The following HNRNPH1 variants were observed in gnomAD, a reference collection of about 807,000 sequenced individuals.
HNRNPH1 encodes the protein heterogeneous nuclear ribonucleoprotein H1, also known as heterogeneous nuclear ribonucleoprotein H.
Under a neutral mutation model 58.6 loss-of-function variants are expected in HNRNPH1, and 4 were observed. That is an observed-to-expected ratio of 0.07 (90% CI 0.03 to 0.16). The LOEUF (loss-of-function observed/expected upper bound fraction) is 0.16. Among genes scored for constraint, HNRNPH1 ranks in the 10% least tolerant of loss-of-function variants. The pLI, the probability that HNRNPH1 is intolerant of heterozygous loss-of-function variation, is 1.00. For synonymous variants in HNRNPH1, 192 were observed against 189.2 expected (o/e 1.01, Z -0.12); for missense variants, 271 against 564.2 (o/e 0.48, Z 5.26).
upstream of HNRNPH1, among the ~76,000 whole-genome samples, chr5:179,626,648 G>GGAGGTTGCAGTGAGCA (rs1774425319): frequency 6.6e-6 from 1 of 150,644 alleles, no homozygotes; most frequent in South Asian, 2.1e-4. Flanking sequence ...CCTGGGAGGT[G>GGAGGTTGCAGTGAGCA]GAGGTTGCAG....
Position 179,622,484 on chromosome 5 carries a change from G to C in HNRNPH1, c.97+553C>G, listed in dbSNP as rs542912570. 2.0e-5 allele frequency among the ~76,000 whole-genome samples: 3 copies of C among 152,344 alleles called. No individual in the cohort carries two copies. The South Asian group carries it at 6.2e-4, about 32-fold the overall frequency. On this transcript the variant is annotated intron_variant, in intron 1 of 12. Transcript: ENST00000356731. The stretch of plus-strand genomic sequence containing the variant: ...CCAGCATTTTGGGAAACCGAGGTGG[G>C]CGGATCACTTGAGGTCAGATGTTCG...
intron 2 of HNRNPH1, among the ~76,000 whole-genome samples, chr5:179,630,738 C>T (rs986232192): frequency 1.3e-5 from 2 of 151,990 alleles, no homozygotes; most frequent in African/African-American, 2.4e-5. Flanking sequence ...GGTGAAACCC[C>T]GTCTCTACTA....
intron 2 of HNRNPH1, among the ~76,000 whole-genome samples, chr5:179,632,735 T>G (rs980038449): frequency 3.7e-5 from 5 of 133,364 alleles, no homozygotes; most frequent in Non-Finnish European, 7.8e-5. Flanking sequence ...ACTCACTGTC[T>G]AAAGCCAAAT....
exon 1 of HNRNPH1, chr5:179,623,961 C>T (rs1327279118): frequency 6.6e-6 from 1 of 152,520 alleles, no homozygotes; most frequent in Non-Finnish European, 1.5e-5. Context: ...TTCCTTGAAA[C>T]CGTTCTCTAG....
At chr5:179,633,460 A>G (rs1257239577) in intron 2 of HNRNPH1, among the ~76,000 whole-genome samples, 3 of 86,168 alleles carry the variant, frequency 3.5e-5, no homozygotes, top group East Asian at 7.4e-4. Context: ...ACACCCGGCT[A>G]ATTTTTTTTT....
At chr5:179,616,151 A>C (rs1769494915) in exon 11 of HNRNPH1, 2 of 1,614,018 alleles carry the variant, frequency 1.2e-6, no homozygotes, top group Non-Finnish European at 1.7e-6. Context: ...TGCTCTGGCC[A>C]CCGTAGCCGC....
chr5:179,616,777 C>G, intron 10 of HNRNPH1, 92 bp downstream of exon 11: 1 of 1,147,570 alleles, frequency 8.7e-7, no homozygotes, highest in Non-Finnish European at 1.3e-6. Context: ...GTTTCTTATG[C>G]TAAACTTATT....
chr5:179,614,972 C>A lies in HNRNPH1; in HGVS notation c.*1-13G>T. The A allele has an allele frequency of 7.0e-7, 1 of 1,430,632 alleles. No individual in the cohort carries two copies. Among genetic ancestry groups the A allele is most frequent in the South Asian group, 1.2e-5 (1 of 81,602 alleles). 88.6% of individuals were successfully genotyped at this position (1,430,632 alleles called of 1,614,324 possible). Reference sequence around the variant, plus strand: ...GCTCCTTGGTTACCTGCAAAGAGATCAATTTGACAAGTTAGGAGTAATATC... The same window carrying A: ...GCTCCTTGGTTACCTGCAAAGAGATAAATTTGACAAGTTAGGAGTAATATC... On this transcript the variant is annotated splice_polypyrimidine_tract_variant and intron_variant, in intron 12 of 12. Coordinates refer to ENST00000356731, the Ensembl canonical transcript of HNRNPH1.
At chr5:179,615,462 G>C (rs1187874648) in intron 12 of HNRNPH1, 84 bp downstream of exon 13, 3 of 726,792 alleles carry the variant, frequency 4.1e-6, no homozygotes, top group Admixed American at 2.6e-5. Flanking sequence ...AGTTAAGTCA[G>C]AGCCATTGAC....
At chr5:179,621,147 C>G in intron 2 of HNRNPH1, 95 bp downstream of exon 3, 1 of 1,485,364 alleles carries the variant, frequency 6.7e-7, no homozygotes, top group South Asian at 1.2e-5. Context: ...CTTAGATGAC[C>G]ATTTCCATGC....
At chr5:179,627,498 G>C (rs1317721658), upstream of HNRNPH1, among the ~76,000 whole-genome samples, 1 of 30,466 alleles carries the variant, frequency 3.3e-5, no homozygotes, top group Non-Finnish European at 8.2e-5. Context: ...GCTCGGCCCT[G>C]ATTTATGCCT....
chr5:179,621,675 A>AG (rs1772412243), intron 1 of HNRNPH1: 1 of 461,486 alleles, frequency 2.2e-6, no homozygotes, highest in Non-Finnish European at 3.9e-6. Flanking sequence ...TCTACATCAC[A>AG]CATCTTTTAT....
At chr5:179,615,501 C>T (rs755834878) in intron 12 of HNRNPH1, 45 bp downstream of exon 13, 1 of 1,003,900 alleles carries the variant, frequency 1.0e-6, no homozygotes, top group South Asian at 1.4e-5. Context: ...TACAACATAT[C>T]AGTATTTGCT....
In HNRNPH1 at chr5:179,617,504, T is replaced by A; in HGVS notation, c.1057+10A>T. The A allele has an allele frequency of 6.2e-7, 1 of 1,611,800 alleles. No homozygotes were observed. The highest frequency in any genetic ancestry group is 8.5e-7 in the Non-Finnish European group (1 of 1,179,436). On this transcript the variant is annotated intron_variant, in intron 8 of 12. Coordinates refer to ENST00000356731, the Ensembl canonical transcript of HNRNPH1. ...CTGTTAAGAGCCCACAAATGCTCAA[T>A]CACACTTACGCATATTTGCTTTGTC...
At chr5:179,621,762 T>G in intron 1 of HNRNPH1, 1 of 372,374 alleles carries the variant, frequency 2.7e-6, no homozygotes. Context: ...TGTTTTGGTC[T>G]GGGGCATTTA....
At chr5:179,616,441 A>G in intron 10 of HNRNPH1, 1 of 567,504 alleles carries the variant, frequency 1.8e-6, no homozygotes, top group South Asian at 2.1e-5. Flanking sequence ...ACACATCAGC[A>G]GGACTAAAAT....
At chr5:179,622,457 T>G (rs1189249791) in intron 1 of HNRNPH1, among the ~76,000 whole-genome samples, 2 of 152,180 alleles carry the variant, frequency 1.3e-5, no homozygotes, top group African/African-American at 4.8e-5. Context: ...ACGCCTGTAA[T>G]CCCAGCATTT....
chr5:179,615,817 ATGGAGGC>A (rs1227553644), intron 11 of HNRNPH1: 2 of 526,184 alleles, frequency 3.8e-6, no homozygotes, highest in Non-Finnish European at 6.8e-6. Flanking sequence ...GTTTTAATAC[ATGGAGGC>A]AGATATTTTC....
At chr5:179,616,375 C>A (rs1450509418) in intron 10 of HNRNPH1, 157 bp from the exon 12 acceptor site, 1 of 640,042 alleles carries the variant, frequency 1.6e-6, no homozygotes, top group Non-Finnish European at 2.8e-6. Flanking sequence ...CCAGGCCACC[C>A]TTCTATCCAT....
Sources: allele counts gnomAD v4.1 joint callset (sites outside exome capture counted in the v4.1 genomes callset), GRCh38; gene constraint gnomAD v4.1.1; transcripts MANE v1.5; gene names NCBI Gene and HGNC (gene_info 2026-07-23, HGNC 2026-07-21).